Variants in RALYL observed in about 807,000 individuals in gnomAD.
The protein encoded by RALYL is RALY RNA binding protein like.
A neutral mutation model predicts 35.1 loss-of-function variants in RALYL; 29 were observed. The ratio of observed to expected loss-of-function variants is 0.83; its 90% CI spans 0.61 to 1.13. The LOEUF (loss-of-function observed/expected upper bound fraction) is 1.13. RALYL is among the 50% of genes most tolerant of loss of function. RALYL has a pLI of 0.00. For missense variants in RALYL, 359 were observed against 360.4 expected, an observed-to-expected ratio of 1.00 and a Z score of 0.03; for synonymous variants, 120 against 127.6, an observed-to-expected ratio of 0.94 and a Z score of 0.40.
chr8:84,228,716 A>G (rs1308354268), intron 1 of RALYL, among the ~76,000 whole-genome samples: 1 of 152,168 alleles, frequency 6.6e-6, no homozygotes, highest in Non-Finnish European at 1.5e-5. Flanking sequence ...AAAGAGGTTT[A>G]ATTAACTCAC....
chr8:84,187,223 C>T (rs1259741146), intron 1 of RALYL, among the ~76,000 whole-genome samples: 1 of 151,964 alleles, frequency 6.6e-6, no homozygotes, highest in African/African-American at 2.4e-5. Flanking sequence ...TTTTCAAGAA[C>T]TTTTTATGGG....
intron 1 of RALYL, among the ~76,000 whole-genome samples, chr8:84,240,995 A>G (rs1375048579): frequency 1.3e-5 from 2 of 152,136 alleles, no homozygotes; most frequent in African/African-American, 4.8e-5. Flanking sequence ...TTTAATATTT[A>G]GCTGTGTGTA....
At chr8:84,245,518 A>G (rs1828888680) in intron 1 of RALYL, among the ~76,000 whole-genome samples, 1 of 152,184 alleles carries the variant, frequency 6.6e-6, no homozygotes, top group South Asian at 2.1e-4. Context: ...GACTTCAAAT[A>G]GAAAATGCTT....
At chr8:84,506,933 G>C (rs778479300) in intron 1 of RALYL, among the ~76,000 whole-genome samples, 2 of 152,174 alleles carry the variant, frequency 1.3e-5, no homozygotes, top group Non-Finnish European at 2.9e-5. Flanking sequence ...TCACGGCACA[G>C]CCCAATTTAA....
At chr8:84,223,445 C>T (rs184804414) in intron 1 of RALYL, among the ~76,000 whole-genome samples, 7 of 152,092 alleles carry the variant, frequency 4.6e-5, no homozygotes, top group South Asian at 2.1e-4. Context: ...TGACAGGGAA[C>T]GATGGGCAAG....
intron 8 of RALYL, among the ~76,000 whole-genome samples, chr8:84,898,681 G>A (rs1845164699): frequency 6.6e-6 from 1 of 152,196 alleles, no homozygotes; most frequent in Admixed American, 6.5e-5. Context: ...AGGAAGTGGA[G>A]CACTAGTGTA....
At chr8:84,436,543 GTTTTTTTTTTTT>G (rs150233257) in intron 1 of RALYL, among the ~76,000 whole-genome samples, 15 of 62,396 alleles carry the variant, frequency 2.4e-4, no homozygotes, top group South Asian at 1.5e-3. Context: ...AATCATGGGA[GTTTTTTTTTTTT>G]TTTTTTTTTT....
intron 2 of RALYL, among the ~76,000 whole-genome samples, chr8:84,682,723 G>A (rs181321968): frequency 6.6e-5 from 10 of 151,850 alleles, no homozygotes; most frequent in East Asian, 5.8e-4. Context: ...TTTTTGATTC[G>A]TCTCTCTTTT....
intron 1 of RALYL, among the ~76,000 whole-genome samples, chr8:84,412,536 A>G (rs992477503): frequency 4.6e-5 from 7 of 151,862 alleles, no homozygotes; most frequent in African/African-American, 1.4e-4. Context: ...GTGAATCCCA[A>G]AGGCATTCAC....
intron 1 of RALYL, among the ~76,000 whole-genome samples, chr8:84,509,937 T>C (rs2057471710): frequency 6.6e-6 from 1 of 152,178 alleles, no homozygotes; most frequent in Admixed American, 6.5e-5. Context: ...AGTCTCAAAG[T>C]TGGGTTGTGT....
chr8:84,528,230 A>G (rs1564090571), intron 1 of RALYL, among the ~76,000 whole-genome samples: 1 of 152,164 alleles, frequency 6.6e-6, no homozygotes, highest in East Asian at 1.9e-4. Flanking sequence ...CATCAATGTC[A>G]GGGACTGTTA....
At chr8:84,896,405 C>T (rs1176739462) in intron 8 of RALYL, among the ~76,000 whole-genome samples, 4 of 152,170 alleles carry the variant, frequency 2.6e-5, no homozygotes, top group Non-Finnish European at 4.4e-5. Flanking sequence ...CTGCTTCTGG[C>T]CTTAGTCTTC....
At chr8:84,782,755 A>G (rs1296631782) in intron 3 of RALYL, among the ~76,000 whole-genome samples, 1 of 152,204 alleles carries the variant, frequency 6.6e-6, no homozygotes, top group African/African-American at 2.4e-5. Context: ...CTCATATGCT[A>G]GGTCATTGCG....
chr8:84,422,997 G>A (rs2045857341), intron 1 of RALYL, among the ~76,000 whole-genome samples: 1 of 148,712 alleles, frequency 6.7e-6, no homozygotes, highest in South Asian at 2.2e-4. Flanking sequence ...AATAGGTGTG[G>A]TGTGGTGCTG....
At chr8:84,693,708 A>G (rs1037398879) in intron 2 of RALYL, among the ~76,000 whole-genome samples, 1 of 151,952 alleles carries the variant, frequency 6.6e-6, no homozygotes, top group Non-Finnish European at 1.5e-5. Context: ...TAGATGTAAA[A>G]ATTCTCAACA....
At position 84,612,942 on chromosome 8, in the gene RALYL, G is replaced by A. The variant is rs114967528; in HGVS notation, c.256+83365G>A. Among the ~76,000 whole-genome samples the A allele has an allele frequency of 7.8e-3, 1,186 of 151,710 alleles. 43 individuals carry two copies. The highest frequency in any genetic ancestry group is 0.027 in the African/African-American group (1,103 of 41,212). ...TCCAGTAAATACCACTTTAGTTTTC[G>A]TAGTAAAATTTACTGTGCAAAATGG... On this transcript the variant is annotated intron_variant, in intron 2 of 8. Coordinates refer to ENST00000521268, the MANE Select transcript of RALYL (RefSeq NM_173848.7).
Position 84,850,721 on chromosome 8 carries a change from TC to T in RALYL, c.413+695del, listed in dbSNP as rs750417213. On this transcript the variant is annotated intron_variant, in intron 5 of 8. Transcript: ENST00000521268. ...AAAGTAGTTGAAACAGTGCATGCCT[TC>T]TCATTTCCTAACTCAGGACAGGATA... 7.9e-5 allele frequency among the ~76,000 whole-genome samples: 12 copies of T among 152,230 alleles called. No homozygotes were observed. The East Asian group carries it at 1.2e-3, about 15-fold the overall frequency.
At chr8:84,895,333 C>G (rs991121322) in intron 8 of RALYL, among the ~76,000 whole-genome samples, 4 of 145,140 alleles carry the variant, frequency 2.8e-5, no homozygotes, top group Non-Finnish European at 4.5e-5. Flanking sequence ...ACCTACTGCA[C>G]TATGACAAAA....
At chr8:84,799,345 A>C (rs1485663690) in intron 3 of RALYL, among the ~76,000 whole-genome samples, 3 of 152,236 alleles carry the variant, frequency 2.0e-5, no homozygotes, top group Admixed American at 2.0e-4. Flanking sequence ...AGAGATTTGT[A>C]ACGAGGAGAA....
Sources: allele counts gnomAD v4.1 joint callset (sites outside exome capture counted in the v4.1 genomes callset), GRCh38; gene constraint gnomAD v4.1.1; transcripts MANE v1.5; gene names NCBI Gene and HGNC (gene_info 2026-07-23, HGNC 2026-07-21).